Variants in KSR2 observed in about 807,000 individuals in gnomAD.
KSR2 encodes kinase suppressor of ras 2.
A neutral mutation model predicts 107.8 loss-of-function variants in KSR2; 25 were observed. That is an observed-to-expected ratio of 0.23 (90% CI 0.17 to 0.32). KSR2 has a LOEUF of 0.32. KSR2 is among the 10% of genes least tolerant of loss of function. The probability of loss-of-function intolerance (pLI) is 1.00; values close to 1 mark genes in which losing one functional copy is unlikely to be tolerated. For missense variants in KSR2, 887 were observed against 1,268.9 expected, an observed-to-expected ratio of 0.70 and a Z score of 4.57; for synonymous variants, 480 against 507.0, an observed-to-expected ratio of 0.95 and a Z score of 0.71.
intron 1 of KSR2, among the ~76,000 whole-genome samples, chr12:117,901,129 G>T (rs538626902): frequency 6.6e-6 from 1 of 152,114 alleles, no homozygotes; most frequent in Non-Finnish European, 1.5e-5. Context: ...AGAGGAACCA[G>T]GGCCGGGTGA....
At chr12:117,697,621 T>C (rs917134513) in intron 4 of KSR2, among the ~76,000 whole-genome samples, 2 of 150,540 alleles carry the variant, frequency 1.3e-5, no homozygotes, top group Non-Finnish European at 2.9e-5. Flanking sequence ...ATGCCTGTAA[T>C]CCCAGATACT....
rs959505742 is a variant in KSR2, at chr12:117,628,852, C to A, written c.1171+38622G>T. ...GTAGGCCTTGTTGAGCTGCTGTGGG[C>A]TCCGCCCAGTTCGAGCTTCCCAGCT... On this transcript the variant is annotated intron_variant, in intron 5 of 19. Transcript: ENST00000339824. Among the ~76,000 whole-genome samples the A allele has an allele frequency of 2.6e-5, 4 of 152,256 alleles. No homozygotes were observed. The South Asian group carries it at 8.3e-4, about 31-fold the overall frequency.
At chr12:117,679,749 G>C (rs1885292772) in intron 4 of KSR2, among the ~76,000 whole-genome samples, 1 of 152,122 alleles carries the variant, frequency 6.6e-6, no homozygotes, top group Non-Finnish European at 1.5e-5. Flanking sequence ...TTTGTTCTCA[G>C]GAAGATTGCC....
chr12:117,480,508 C>T (rs531507483), intron 16 of KSR2, among the ~76,000 whole-genome samples: 8 of 152,248 alleles, frequency 5.3e-5, no homozygotes, highest in Non-Finnish European at 7.4e-5. Flanking sequence ...CTTTTCTTGA[C>T]GACGGCAGAA....
intron 1 of KSR2, among the ~76,000 whole-genome samples, chr12:117,930,778 G>T (rs1895672791): frequency 6.6e-6 from 1 of 152,118 alleles, no homozygotes. Flanking sequence ...GCCAGACGTG[G>T]TGGCACGTGC....
chr12:117,480,061 T>TGTGTGTGTG (rs71099055), intron 16 of KSR2, among the ~76,000 whole-genome samples: 1 of 151,224 alleles, frequency 6.6e-6, no homozygotes, highest in African/African-American at 2.4e-5. Flanking sequence ...TGTGTGTGTG[T>TGTGTGTGTG]TTATCTCGAG....
intron 4 of KSR2, among the ~76,000 whole-genome samples, chr12:117,711,989 A>T (rs1412553387): frequency 6.6e-6 from 1 of 152,180 alleles, no homozygotes; most frequent in Non-Finnish European, 1.5e-5. Context: ...GCAAGGCTCC[A>T]TCCCATGGGG....
At chr12:117,765,710 G>A (rs780841657) in intron 3 of KSR2, among the ~76,000 whole-genome samples, 12 of 152,152 alleles carry the variant, frequency 7.9e-5, no homozygotes, top group Non-Finnish European at 1.3e-4. Flanking sequence ...AAGTCTTCTA[G>A]AGGGAAAGAA....
At chr12:117,936,511 TTTA>T (rs145675167) in intron 1 of KSR2, among the ~76,000 whole-genome samples, 19,434 of 139,448 alleles carry the variant, frequency 0.14, 1,426 homozygotes, top group East Asian at 0.27. Flanking sequence ...TTATTATTAT[TTTA>T]TTATTATTAT....
intron 10 of KSR2, among the ~76,000 whole-genome samples, chr12:117,537,191 T>C (rs1174280412): frequency 6.6e-6 from 1 of 152,060 alleles, no homozygotes; most frequent in East Asian, 1.9e-4. Flanking sequence ...CCAGCCTGGG[T>C]GACAGAGTGA....
At chr12:117,828,552 C>T (rs1458381314) in intron 3 of KSR2, among the ~76,000 whole-genome samples, 1 of 152,188 alleles carries the variant, frequency 6.6e-6, no homozygotes, top group East Asian at 1.9e-4. Flanking sequence ...GATCCCCATT[C>T]CCAGATAAGG....
intron 4 of KSR2, among the ~76,000 whole-genome samples, chr12:117,688,871 A>G (rs932529225): frequency 6.6e-6 from 1 of 152,094 alleles, no homozygotes; most frequent in African/African-American, 2.4e-5. Flanking sequence ...AACTCTAGAC[A>G]CCCGGTCACA....
intron 4 of KSR2, among the ~76,000 whole-genome samples, chr12:117,692,449 CATATATATATATAT>C (rs57091494): frequency 0.03 from 2,501 of 83,874 alleles, 73 homozygotes; most frequent in Middle Eastern, 0.061. Flanking sequence ...CAACTTCACT[CATATATATATATAT>C]ATATATATAT....
chr12:117,618,698 T>C (rs910135881), intron 5 of KSR2, among the ~76,000 whole-genome samples: 5 of 152,142 alleles, frequency 3.3e-5, no homozygotes, highest in African/African-American at 9.7e-5. Flanking sequence ...CCCCTTTCAT[T>C]TGGTTCTCTC....
At chr12:117,624,366 T>C (rs1449432054) in intron 5 of KSR2, among the ~76,000 whole-genome samples, 2 of 152,224 alleles carry the variant, frequency 1.3e-5, no homozygotes, top group African/African-American at 4.8e-5. Flanking sequence ...AGGTCTAACA[T>C]TTAAGTCTTT....
At chr12:117,836,346 C>A (rs1743524592) in intron 3 of KSR2, among the ~76,000 whole-genome samples, 1 of 152,102 alleles carries the variant, frequency 6.6e-6, no homozygotes, top group Non-Finnish European at 1.5e-5. Flanking sequence ...GCAGAACAGG[C>A]AATGCCAACA....
intron 4 of KSR2, among the ~76,000 whole-genome samples, chr12:117,707,044 A>G (rs1886556271): frequency 6.6e-6 from 1 of 152,206 alleles, no homozygotes; most frequent in Non-Finnish European, 1.5e-5. Flanking sequence ...GTGTGTGCAA[A>G]ATGGAATATT....
intron 1 of KSR2, among the ~76,000 whole-genome samples, chr12:117,945,392 T>C (rs968676633): frequency 2.0e-5 from 3 of 152,154 alleles, no homozygotes; most frequent in Admixed American, 6.6e-5. Context: ...TGAATTAAAC[T>C]GGCTGAGCGC....
At chr12:117,967,854 C>G (rs1457816453) in intron 1 of KSR2, among the ~76,000 whole-genome samples, 1 of 151,940 alleles carries the variant, frequency 6.6e-6, no homozygotes, top group African/African-American at 2.4e-5. Context: ...CCCAGCCAAG[C>G]GCAGACGACA....
Sources: gnomAD v4.1 joint callset for allele counts (sites outside exome capture counted in the v4.1 genomes callset) on GRCh38, gnomAD v4.1.1 for gene constraint, MANE v1.5 for transcripts, NCBI Gene and HGNC (gene_info 2026-07-23, HGNC 2026-07-21) for gene names.